Variants in SBK1 observed in about 807,000 individuals in gnomAD.
The protein encoded by SBK1 is SH3 domain binding kinase 1.
SBK1 carries 11 observed loss-of-function variants against 24.4 expected under a neutral mutation model. The ratio of observed to expected loss-of-function variants is 0.45; its 90% CI spans 0.28 to 0.75. The LOEUF (loss-of-function observed/expected upper bound fraction) is 0.75. Among genes scored for constraint, SBK1 ranks in the 30% least tolerant of loss-of-function variants. SBK1 has a pLI of 0.12. For missense variants in SBK1, 467 were observed against 620.5 expected (o/e 0.75, Z 2.63); for synonymous variants, 308 against 284.4 (o/e 1.08, Z -0.83).
At chr16:28,301,149 G>A (rs2044675926) in intron 1 of SBK1, among the ~76,000 whole-genome samples, 1 of 152,196 alleles carries the variant, frequency 6.6e-6, no homozygotes, top group Admixed American at 6.5e-5. Context: ...TGAGTGCTGG[G>A]CCACCTGCCT....
chr16:28,317,413 C>T lies in SBK1; in HGVS notation c.22C>T (p.Pro8Ser). 1 of 1,613,876 alleles carries T rather than the reference C, an allele frequency of 6.2e-7. No homozygotes were observed. The highest frequency in any genetic ancestry group is 2.2e-5 in the East Asian group (1 of 44,860). The change falls in exon 2 of 4, where the codon CCT becomes TCT. Residue 8 changes from proline (P) to serine (S), a missense_variant. Around this residue, in one of 4 missense-constraint regions of SBK1, gnomAD observed 123 missense variants for 158.2 expected, o/e 0.78. Transcript: ENST00000341901. The surrounding 1 kb of genome is among the most constrained non-coding windows in gnomAD (Gnocchi z 4.2). MSVGCPE[P>S]EPPRSLTCCG... is the part of the protein sequence containing the mutation. ...GAAGATGAGCGTGGGCTGCCCAGAG[C>T]CTGAGCCGCCCCGCTCCCTGACCTG...
At chr16:28,289,603 C>T (rs557361391), upstream of SBK1, among the ~76,000 whole-genome samples, 224 of 151,314 alleles carry the variant, frequency 1.5e-3, no homozygotes, top group African/African-American at 4.8e-3. Flanking sequence ...CTCATCTCTA[C>T]TAAAAATACA....
chr16:28,297,103 G>A (rs778059190), intron 1 of SBK1, among the ~76,000 whole-genome samples: 6 of 152,188 alleles, frequency 3.9e-5, no homozygotes, highest in Admixed American at 2.0e-4. Context: ...GCTGAGACAG[G>A]TGGATCATTT....
intron 1 of SBK1, among the ~76,000 whole-genome samples, chr16:28,287,514 G>A (rs1030993934): frequency 2.0e-4 from 30 of 151,658 alleles, no homozygotes; most frequent in Admixed American, 1.4e-3. Context: ...TTTGTGTTCC[G>A]CTATCCAAAT....
At chr16:28,301,184 A>T (rs1317400460) in intron 1 of SBK1, among the ~76,000 whole-genome samples, 1 of 151,726 alleles carries the variant, frequency 6.6e-6, no homozygotes, top group East Asian at 1.9e-4. Context: ...GGCTGGGAAG[A>T]CCTCCCCAGC....
chr16:28,296,204 C>T (rs971437701), intron 1 of SBK1, among the ~76,000 whole-genome samples: 8 of 151,314 alleles, frequency 5.3e-5, no homozygotes, highest in Non-Finnish European at 1.2e-4. Context: ...AAGCAATTCT[C>T]TGCCTCAGCC....
intron 1 of SBK1, among the ~76,000 whole-genome samples, chr16:28,283,227 G>A (rs765981414): frequency 3.3e-5 from 5 of 152,050 alleles, no homozygotes; most frequent in African/African-American, 1.2e-4. Context: ...CACCGCGCCC[G>A]ACCATACTCC....
chr16:28,272,840 T>G (rs2044474825), intron 1 of SBK1, among the ~76,000 whole-genome samples: 1 of 151,922 alleles, frequency 6.6e-6, no homozygotes, highest in South Asian at 2.1e-4. Flanking sequence ...CAGGCTGGTC[T>G]CGAACTCCTG....
At chr16:28,314,974 C>T (rs771592475) in intron 1 of SBK1, among the ~76,000 whole-genome samples, 6 of 151,808 alleles carry the variant, frequency 4.0e-5, no homozygotes, top group Non-Finnish European at 7.4e-5. Context: ...AGAGAAACTC[C>T]GTCTCAAAAA....
In SBK1 at chr16:28,322,534, C is replaced by T. The variant is rs1179054939; in HGVS notation, c.*1613C>T. The T allele has an allele frequency of 6.5e-6, 1 of 152,974 alleles. No individual in the cohort carries two copies. The highest frequency in any genetic ancestry group is 1.5e-5 in the Non-Finnish European group (1 of 68,226). 9.5% of individuals were successfully genotyped at this position (152,974 alleles called of 1,614,324 possible). ...TCTGGCTGGTGCCCCAACCTCTCCA[C>T]TCCCCACTCATTCCCACCTTGAAAA... is the stretch of plus-strand genomic sequence containing the variant. On this transcript the variant is annotated 3_prime_UTR_variant, in exon 4 of 4. Coordinates refer to ENST00000341901, the MANE Select transcript of SBK1 (RefSeq NM_001024401.3).
At chr16:28,307,160 C>T (rs914366222) in intron 1 of SBK1, among the ~76,000 whole-genome samples, 1 of 152,092 alleles carries the variant, frequency 6.6e-6, no homozygotes, top group African/African-American at 2.4e-5. Context: ...ATGATGCCAA[C>T]GGGGAGGAGA....
chr16:28,314,113 G>A (rs747959120), intron 1 of SBK1, among the ~76,000 whole-genome samples: 1 of 150,740 alleles, frequency 6.6e-6, no homozygotes, highest in Non-Finnish European at 1.5e-5. Flanking sequence ...CGCATCGGGA[G>A]AAGGCACTGT....
intron 1 of SBK1, among the ~76,000 whole-genome samples, chr16:28,308,118 A>G (rs1208488933): frequency 6.6e-6 from 1 of 152,122 alleles, no homozygotes; most frequent in Non-Finnish European, 1.5e-5. Flanking sequence ...GCCACATTCC[A>G]GGGAGGTGGA....
At chr16:28,294,228 G>A (rs183479149) in intron 1 of SBK1, among the ~76,000 whole-genome samples, 191 of 152,204 alleles carry the variant, frequency 1.3e-3, no homozygotes, top group Middle Eastern at 0.01. Flanking sequence ...TGAGGAAGCC[G>A]AGAGACCCTA....
At chr16:28,275,569 C>T (rs1028369956) in intron 1 of SBK1, among the ~76,000 whole-genome samples, 38 of 151,848 alleles carry the variant, frequency 2.5e-4, no homozygotes, top group African/African-American at 8.5e-4. Flanking sequence ...TTGGTGCCCA[C>T]AAGAAAGTCC....
Position 28,320,002 on chromosome 16 carries a change from G to A in SBK1, c.430-74G>A, listed in dbSNP as rs2044826678. ...AGGCGAAAACCGCCTTGCTAGAGAG[G>A]GAGCTGGAGGGGAGGGCGGCGGGGC... On this transcript the variant is annotated intron_variant, in intron 3 of 3. Coordinates refer to ENST00000341901, the MANE Select transcript of SBK1 (RefSeq NM_001024401.3). This position sits in a 1 kb window ranked among gnomAD's most constrained non-coding sequence, Gnocchi z 8.5. The A allele has an allele frequency of 1.4e-6, 2 of 1,387,158 alleles. No homozygotes were observed. Among genetic ancestry groups the A allele is most frequent in the Non-Finnish European group, 1.9e-6 (2 of 1,066,468 alleles). 85.9% of individuals were successfully genotyped at this position (1,387,158 alleles called of 1,614,324 possible).
intron 1 of SBK1, among the ~76,000 whole-genome samples, chr16:28,272,975 C>G (rs969688158): frequency 1.3e-5 from 2 of 151,956 alleles, no homozygotes; most frequent in African/African-American, 4.8e-5. Flanking sequence ...ATGTATAGAT[C>G]ACATTTTTTT....
chr16:28,303,507 C>CTTTTTTTTTTTTT (rs143613970), intron 1 of SBK1, among the ~76,000 whole-genome samples: 31 of 58,096 alleles, frequency 5.3e-4, no homozygotes, highest in Non-Finnish European at 6.8e-4. Context: ...CTTTTCTTTT[C>CTTTTTTTTTTTTT]TTTTTTTTTT....
intron 1 of SBK1, among the ~76,000 whole-genome samples, chr16:28,276,090 G>T (rs916529280): frequency 6.6e-6 from 1 of 152,278 alleles, no homozygotes; most frequent in Admixed American, 6.5e-5. Flanking sequence ...AGGGGTTGTG[G>T]TTTGATGGCG....
Sources: gnomAD v4.1 joint callset for allele counts (sites outside exome capture counted in the v4.1 genomes callset) on GRCh38, gnomAD v4.1.1 for gene constraint, gnomAD v4.1.1 regional missense constraint, Gnocchi (gnomAD v3.1) non-coding constraint, MANE v1.5 for transcripts, NCBI Gene and HGNC (gene_info 2026-07-23, HGNC 2026-07-21) for gene names.